CTDSPL2: variants seen among roughly 807,000 people sequenced by gnomAD.
CTDSPL2 encodes the protein CTD small phosphatase-like protein 2.
In CTDSPL2, 5 loss-of-function variants were observed where a neutral mutation model predicts 60.0. The observed-to-expected ratio is 0.08, with a 90% CI of 0.04 to 0.18. CTDSPL2 has a LOEUF of 0.18. Ranked by LOEUF, CTDSPL2 falls within the 10% of genes least tolerant of loss-of-function variation. The probability of loss-of-function intolerance (pLI) is 1.00; values close to 1 mark genes in which losing one functional copy is unlikely to be tolerated. For missense variants in CTDSPL2, 370 were observed against 548.8 expected (o/e 0.67, Z 3.26); for synonymous variants, 186 against 189.3 (o/e 0.98, Z 0.14).
At chr15:44,460,213 T>C (rs1595719134) in intron 2 of CTDSPL2, among the ~76,000 whole-genome samples, 1 of 152,154 alleles carries the variant, frequency 6.6e-6, no homozygotes, top group East Asian at 1.9e-4. Flanking sequence ...CGAGTTCAAG[T>C]GATTCTCCTG....
At chr15:44,510,029 C>T (rs921984437) in intron 8 of CTDSPL2, among the ~76,000 whole-genome samples, 18 of 151,636 alleles carry the variant, frequency 1.2e-4, no homozygotes, top group African/African-American at 3.9e-4. Flanking sequence ...CTCTGTTGCC[C>T]AGACTGGAGT....
intron 11 of CTDSPL2, chr15:44,519,654 G>A (rs2081723184): frequency 6.2e-6 from 1 of 162,244 alleles, no homozygotes; most frequent in African/African-American, 2.4e-5. Context: ...TTAATGTTCT[G>A]AAATATTTTC....
chr15:44,511,968 C>T (rs2081575145), intron 8 of CTDSPL2, among the ~76,000 whole-genome samples: 1 of 149,470 alleles, frequency 6.7e-6, no homozygotes, highest in Non-Finnish European at 1.5e-5. Flanking sequence ...GGCAATATTG[C>T]TTGAGCGTAA....
At chr15:44,462,994 C>T (rs995928097) in intron 2 of CTDSPL2, among the ~76,000 whole-genome samples, 9 of 151,006 alleles carry the variant, frequency 6.0e-5, no homozygotes, top group African/African-American at 1.9e-4. Flanking sequence ...CGTGAGCCAT[C>T]GTGCCCAGCC....
At chr15:44,476,208 A>G (rs1186171087) in intron 2 of CTDSPL2, among the ~76,000 whole-genome samples, 1 of 151,944 alleles carries the variant, frequency 6.6e-6, no homozygotes, top group African/African-American at 2.4e-5. Flanking sequence ...AGCTGGGACT[A>G]CAGGCGCCCA....
intron 1 of CTDSPL2, among the ~76,000 whole-genome samples, chr15:44,449,947 C>T (rs555215387): frequency 3.3e-5 from 5 of 150,646 alleles, no homozygotes; most frequent in African/African-American, 1.2e-4. Flanking sequence ...GCTGAGATTA[C>T]GTTGCTGCAC....
At chr15:44,476,230 G>T (rs1029598449) in intron 2 of CTDSPL2, among the ~76,000 whole-genome samples, 1 of 151,934 alleles carries the variant, frequency 6.6e-6, no homozygotes, top group Non-Finnish European at 1.5e-5. Context: ...CACCACGCTG[G>T]CTAATTTTTT....
intron 4 of CTDSPL2, 38 bp downstream of exon 4, chr15:44,486,738 T>A (rs2453275): frequency 0.6 from 799,106 of 1,324,144 alleles, 245,742 homozygotes; most frequent in African/African-American, 0.91. Context: ...GGATTTTTTT[T>A]AAAAAAATGC....
chr15:44,449,661 G>A (rs991049525), intron 1 of CTDSPL2, among the ~76,000 whole-genome samples: 4 of 151,922 alleles, frequency 2.6e-5, no homozygotes, highest in African/African-American at 9.7e-5. Flanking sequence ...TTTTTGATTA[G>A]AACTCGTTTA....
At chr15:44,472,767 A>C (rs564459405) in intron 2 of CTDSPL2, among the ~76,000 whole-genome samples, 1 of 152,272 alleles carries the variant, frequency 6.6e-6, no homozygotes, top group Non-Finnish European at 1.5e-5. Flanking sequence ...GTGTTCAAGC[A>C]ATTCCCCTGC....
chr15:44,503,072 A>T (rs1469724132), intron 8 of CTDSPL2, among the ~76,000 whole-genome samples: 3 of 152,192 alleles, frequency 2.0e-5, no homozygotes, highest in Non-Finnish European at 4.4e-5. Context: ...GTATGTTACT[A>T]CTGACACTAT....
At chr15:44,463,436 C>T (rs2080617318) in intron 2 of CTDSPL2, among the ~76,000 whole-genome samples, 1 of 152,178 alleles carries the variant, frequency 6.6e-6, no homozygotes, top group South Asian at 2.1e-4. Context: ...GCCACTGTGC[C>T]GGGCTGTCTT....
intron 7 of CTDSPL2, among the ~76,000 whole-genome samples, chr15:44,498,833 A>G (rs2081343191): frequency 6.6e-6 from 1 of 152,108 alleles, no homozygotes; most frequent in South Asian, 2.1e-4. Context: ...CGGGAAGTGG[A>G]GGTTGCAGTG....
At chr15:44,456,676 CT>C (rs2080448698) in intron 1 of CTDSPL2, among the ~76,000 whole-genome samples, 1 of 151,808 alleles carries the variant, frequency 6.6e-6, no homozygotes, top group South Asian at 2.1e-4. Flanking sequence ...TTTTGTTAAT[CT>C]TTTCAAAAAA....
rs148750678 is a variant in CTDSPL2 at position 44,499,735 on chromosome 15, A to C, written c.891A>C (p.Thr297=). 1 of 1,578,716 alleles carries C rather than the reference A, an allele frequency of 6.3e-7. No homozygotes were observed. The highest frequency in any genetic ancestry group is 1.1e-5 in the South Asian group (1 of 87,862). Residue 297 remains threonine (T), a synonymous_variant, in exon 8 of 13, where the codon ACA becomes ACC. Coordinates refer to ENST00000260327, the MANE Select transcript of CTDSPL2 (RefSeq NM_016396.3). ...CTGTTTTTTATTTTAAGGATGAAACACTAGTGCATTGTAGTCTAAATGAGC... is the reference window on the plus strand; with the variant it reads ...CTGTTTTTTATTTTAAGGATGAAACCCTAGTGCATTGTAGTCTAAATGAGC... The part of the protein sequence containing the change: ...EFSLVLDLDE[T]LVHCSLNELE...
Position 44,527,820 on chromosome 15 carries a change from TGTCA to T in CTDSPL2, c.*3647_*3650del, listed in dbSNP as rs2081898173. On this transcript the variant is annotated 3_prime_UTR_variant, in exon 13 of 13. Transcript: ENST00000260327. ...TGTATGGGCCAAAAGGCCTTAGGGTTGTCATTCATTGACTTTCTTATTCCTCTCA... is the reference window on the plus strand; with the variant it reads ...TGTATGGGCCAAAAGGCCTTAGGGTTTTCATTGACTTTCTTATTCCTCTCA... The T allele has an allele frequency of 6.6e-6, 1 of 152,194 alleles. No homozygotes were observed. Among genetic ancestry groups the T allele is most frequent in the South Asian group, 2.1e-4 (1 of 4,836 alleles). 9.4% of individuals were successfully genotyped at this position (152,194 alleles called of 1,614,324 possible). A position where few individuals can be genotyped will look rare whatever the true frequency, so the allele number is the denominator to read the frequency against.
intron 2 of CTDSPL2, among the ~76,000 whole-genome samples, chr15:44,479,408 T>C (rs1256018730): frequency 1.2e-5 from 1 of 81,184 alleles, no homozygotes; most frequent in Admixed American, 1.1e-4. Context: ...TTTTCTTTCC[T>C]TTTTTTTTTT....
chr15:44,515,144 T>C (rs2049547670), intron 10 of CTDSPL2, among the ~76,000 whole-genome samples: 1 of 152,210 alleles, frequency 6.6e-6, no homozygotes, highest in South Asian at 2.1e-4. Flanking sequence ...TTCCACGTTG[T>C]GCATGATGTT....
intron 8 of CTDSPL2, among the ~76,000 whole-genome samples, chr15:44,513,121 G>T (rs2081593368): frequency 6.6e-6 from 1 of 151,168 alleles, no homozygotes. Flanking sequence ...CCTTTATCTA[G>T]CCCAGAGATG....
Sources: gnomAD v4.1 joint callset for allele counts (sites outside exome capture counted in the v4.1 genomes callset) on GRCh38, gnomAD v4.1.1 for gene constraint, MANE v1.5 for transcripts, NCBI Gene and HGNC (gene_info 2026-07-23, HGNC 2026-07-21) for gene names.